CALHM4: variants seen among roughly 807,000 people sequenced by gnomAD.
The protein encoded by CALHM4 is calcium homeostasis modulator family member 4.
A neutral mutation model predicts 13.3 loss-of-function variants in CALHM4; 16 were observed. The observed-to-expected ratio is 1.20, with a 90% CI of 0.81 to 1.82. The LOEUF is 1.82. Among genes scored for constraint, CALHM4 ranks in the 40% most tolerant of loss-of-function variants. The pLI, the probability that CALHM4 is intolerant of heterozygous loss-of-function variation, is 0.00. For missense variants in CALHM4, 344 were observed against 374.9 expected, an observed-to-expected ratio of 0.92 and a Z score of 0.68; for synonymous variants, 127 against 137.1, an observed-to-expected ratio of 0.93 and a Z score of 0.52.
rs181243626 is a variant in CALHM4 at position 116,538,531 on chromosome 6, A to T, written c.-108-5234A>T. Among the ~76,000 whole-genome samples the T allele has an allele frequency of 7.9e-5, 12 of 152,310 alleles. No homozygotes were observed. The East Asian group carries it at 2.3e-3, about 29-fold the overall frequency. Reference sequence around the variant, plus strand: ...ATACAAACATATCCAGAGGAATGAAATTTTTTGCTAGTTATGCTAACATAT... The same window carrying T: ...ATACAAACATATCCAGAGGAATGAATTTTTTTGCTAGTTATGCTAACATAT... On this transcript the variant is annotated intron_variant, in intron 1 of 2. Transcript: ENST00000368597.
upstream of CALHM4, among the ~76,000 whole-genome samples, chr6:116,551,754 T>C (rs1178227662): frequency 1.3e-5 from 2 of 152,216 alleles, no homozygotes; most frequent in East Asian, 1.9e-4. Flanking sequence ...TTATGTTATA[T>C]GGCAGATGTA....
At chr6:116,557,798 G>GT (rs1774394441) in intron 1 of CALHM4, 27 bp from the exon 2 acceptor site, 2 of 1,596,690 alleles carry the variant, frequency 1.3e-6, no homozygotes, top group Non-Finnish European at 1.7e-6. Flanking sequence ...GATACTTCCT[G>GT]TTTTTCTTTT....
At chr6:116,532,424 T>C (rs904304334) in intron 1 of CALHM4, among the ~76,000 whole-genome samples, 3 of 152,164 alleles carry the variant, frequency 2.0e-5, no homozygotes, top group African/African-American at 4.8e-5. Context: ...ATTTTCTAAG[T>C]TCACTTTAAC....
intron 1 of CALHM4, chr6:116,543,283 A>G: frequency 1.3e-6 from 2 of 1,527,050 alleles, no homozygotes; most frequent in Non-Finnish European, 1.8e-6. Flanking sequence ...ATTCAATAAG[A>G]ATGAAGGACT....
upstream of CALHM4, among the ~76,000 whole-genome samples, chr6:116,552,926 T>C (rs1261082414): frequency 6.6e-6 from 1 of 152,070 alleles, no homozygotes; most frequent in Non-Finnish European, 1.5e-5. Context: ...TACAAAAAAT[T>C]AGCCAGGCGT....
chr6:116,544,002 C>A (rs1773618181), intron 2 of CALHM4: 1 of 783,780 alleles, frequency 1.3e-6, no homozygotes, highest in Admixed American at 3.0e-5. Context: ...TTAGGTTTGG[C>A]TTAGGGTTTT....
At chr6:116,542,652 G>T (rs1354878262) in intron 1 of CALHM4, among the ~76,000 whole-genome samples, 1 of 152,090 alleles carries the variant, frequency 6.6e-6, no homozygotes, top group Non-Finnish European at 1.5e-5. Flanking sequence ...AAATCAAAAG[G>T]TGGAATTTGT....
chr6:116,543,727 TTC>T, intron 1 of CALHM4: 1 of 1,121,658 alleles, frequency 8.9e-7, no homozygotes, highest in Middle Eastern at 1.9e-4. Flanking sequence ...TAACATAAAT[TTC>T]TGTTTTTCTA....
chr6:116,547,201 G>T (rs940966112), intron 2 of CALHM4, among the ~76,000 whole-genome samples: 11 of 152,134 alleles, frequency 7.2e-5, no homozygotes, highest in African/African-American at 2.7e-4. Context: ...TTACTAAGGT[G>T]CAGGGACAGC....
upstream of CALHM4, among the ~76,000 whole-genome samples, chr6:116,552,832 T>C (rs1488093419): frequency 6.6e-6 from 1 of 152,206 alleles, no homozygotes; most frequent in Admixed American, 6.5e-5. Flanking sequence ...CCCAGCATTT[T>C]GGGAGGCCGA....
intron 1 of CALHM4, 116 bp downstream of exon 1, chr6:116,554,467 G>A (rs1002383101): frequency 1.1e-4 from 98 of 922,298 alleles, no homozygotes; most frequent in Non-Finnish European, 1.5e-4. Context: ...CACAATACTA[G>A]ATGCTGTTCA....
chr6:116,556,465 T>G (rs1474838213), intron 1 of CALHM4, among the ~76,000 whole-genome samples: 2 of 152,228 alleles, frequency 1.3e-5, no homozygotes, highest in Non-Finnish European at 2.9e-5. Flanking sequence ...GAGATGGCTT[T>G]TCCTCCGCCA....
chr6:116,540,531 A>C, intron 1 of CALHM4: 1 of 1,465,856 alleles, frequency 6.8e-7, no homozygotes, highest in South Asian at 1.2e-5. Flanking sequence ...GTTTTTAAGA[A>C]GCGATTTGTG....
rs1774464615 is a variant in CALHM4 at position 116,558,883 on chromosome 6, A to G, written c.*672A>G. On this transcript the variant is annotated 3_prime_UTR_variant, in exon 2 of 2. Transcript: ENST00000368596. ...ACCTGGGGACAATGATATATTATTT[A>G]TCATTATTAGTATCATGTTATTTGT... The G allele has an allele frequency of 6.6e-6, 1 of 152,206 alleles. No homozygotes were observed. Among genetic ancestry groups the G allele is most frequent in the South Asian group, 2.1e-4 (1 of 4,836 alleles). 9.4% of individuals were successfully genotyped at this position (152,206 alleles called of 1,614,324 possible). A position where few individuals can be genotyped will look rare whatever the true frequency, so the allele number is the denominator to read the frequency against.
intron 1 of CALHM4, among the ~76,000 whole-genome samples, chr6:116,537,065 T>C (rs1773141611): frequency 6.6e-6 from 1 of 152,118 alleles, no homozygotes; most frequent in Admixed American, 6.6e-5. Context: ...GAACATTTTG[T>C]TGGAGAAGTA....
At chr6:116,544,506 A>C (rs1261701172) in intron 2 of CALHM4, among the ~76,000 whole-genome samples, 1 of 152,170 alleles carries the variant, frequency 6.6e-6, no homozygotes, top group Non-Finnish European at 1.5e-5. Context: ...GGAAAGGTCA[A>C]CATAAGTTTA....
At chr6:116,540,786 A>G (rs1310760056) in intron 1 of CALHM4, among the ~76,000 whole-genome samples, 1 of 152,172 alleles carries the variant, frequency 6.6e-6, no homozygotes, top group African/African-American at 2.4e-5. Flanking sequence ...AGTGGCAGCT[A>G]ATTTTCTCAT....
intron 1 of CALHM4, among the ~76,000 whole-genome samples, chr6:116,541,854 T>C (rs1456588592): frequency 6.6e-6 from 1 of 152,210 alleles, no homozygotes; most frequent in African/African-American, 2.4e-5. Flanking sequence ...AGGGTATGTT[T>C]CTGCAAAGTA....
chr6:116,531,898 AAATAT>A (rs1437987816), intron 1 of CALHM4, among the ~76,000 whole-genome samples: 2 of 149,904 alleles, frequency 1.3e-5, no homozygotes, highest in African/African-American at 4.9e-5. Flanking sequence ...TTTAATTTTA[AAATAT>A]AATATAATAA....
Sources: gnomAD v4.1 joint callset for allele counts (sites outside exome capture counted in the v4.1 genomes callset) on GRCh38, gnomAD v4.1.1 for gene constraint, MANE v1.5 for transcripts, NCBI Gene and HGNC (gene_info 2026-07-23, HGNC 2026-07-21) for gene names.